Variants in TLN2 observed in about 807,000 individuals in gnomAD.
The protein encoded by TLN2 is talin-2.
TLN2 carries 118 observed loss-of-function variants against 294.7 expected under a neutral mutation model. The ratio of observed to expected loss-of-function variants is 0.40; its 90% confidence interval spans 0.34 to 0.47. The LOEUF (loss-of-function observed/expected upper bound fraction) is 0.47. TLN2 is among the 20% of genes least tolerant of loss of function. The pLI is 0.84. For missense variants in TLN2, 3,083 were observed against 3,282.2 expected (o/e 0.94, Z 1.48); for synonymous variants, 1,431 against 1,304.5 (o/e 1.10, Z -2.09).
intron 36 of TLN2, chr15:62,755,275 T>A (rs1021211364): frequency 2.4e-6 from 1 of 411,894 alleles, no homozygotes; most frequent in African/African-American, 2.0e-5. Flanking sequence ...ACATCTCCTT[T>A]AAGACTACCT....
At chr15:62,460,486 C>T (rs1391415406) in intron 1 of TLN2, among the ~76,000 whole-genome samples, 1 of 152,084 alleles carries the variant, frequency 6.6e-6, no homozygotes, top group Non-Finnish European at 1.5e-5. Flanking sequence ...TGGTCTCAAA[C>T]TCCCAACCTC....
In TLN2 at chr15:62,533,113, G is replaced by T. The variant is rs143897738; in HGVS notation, c.-237-56574G>T. ...TATGAAAAATACAAAAAATAGCCAG[G>T]TGTGGTGGTGGGCACCTGTAATTCC... On this transcript the variant is annotated intron_variant, in intron 1 of 58. Coordinates refer to ENST00000636159, the MANE Select transcript of TLN2 (RefSeq NM_015059.3). Among the ~76,000 whole-genome samples the T allele has an allele frequency of 9.9e-5, 15 of 152,012 alleles. No homozygotes were observed. The East Asian group carries it at 2.3e-3, about 24-fold the overall frequency.
At chr15:62,694,434 G>C in intron 14 of TLN2, 42 bp downstream of exon 14, 2 of 1,570,210 alleles carry the variant, frequency 1.3e-6, no homozygotes, top group Non-Finnish European at 1.8e-6. Flanking sequence ...CTTCTCCCTA[G>C]ATAGGTAGGT....
At chr15:62,804,748 T>C (rs1274308915) in intron 50 of TLN2, among the ~76,000 whole-genome samples, 1 of 152,158 alleles carries the variant, frequency 6.6e-6, no homozygotes, top group Non-Finnish European at 1.5e-5. Context: ...ATGTTTGACA[T>C]TGGTTGGCAT....
chr15:62,453,989 G>C (rs1449057718), intron 1 of TLN2, among the ~76,000 whole-genome samples: 3 of 152,138 alleles, frequency 2.0e-5, no homozygotes, highest in Admixed American at 2.0e-4. Flanking sequence ...CCAGGTGCCA[G>C]TGGCTGACCC....
intron 1 of TLN2, among the ~76,000 whole-genome samples, chr15:62,473,155 C>T (rs1431750552): frequency 1.3e-5 from 2 of 152,242 alleles, no homozygotes; most frequent in Non-Finnish European, 2.9e-5. Context: ...TGTCCCAGGG[C>T]GTAGACTTTT....
intron 1 of TLN2, among the ~76,000 whole-genome samples, chr15:62,507,149 G>A (rs1010672256): frequency 1.2e-4 from 18 of 152,208 alleles, no homozygotes; most frequent in African/African-American, 4.1e-4. Flanking sequence ...AAAGAAGGAT[G>A]AGTTTCTAAG....
At chr15:62,610,267 A>G (rs549706603) in intron 2 of TLN2, among the ~76,000 whole-genome samples, 1 of 152,384 alleles carries the variant, frequency 6.6e-6, no homozygotes, top group East Asian at 1.9e-4. Context: ...GTTATATTCT[A>G]TAAAGTATCT....
chr15:62,702,092 C>G lies in TLN2; in HGVS notation c.1797C>G (p.Ala599=). ...EMSKGVKLLA[A]LMDDEVGSGE... ...CCAAGGGTGTGAAGCTATTGGCCGC[C>G]CTCATGGATGATGAGGTGGGCAGCG... Residue 599 remains alanine, a synonymous_variant, in exon 18 of 59, where the codon GCC becomes GCG. Transcript: ENST00000636159. The G allele has an allele frequency of 1.9e-6, 3 of 1,614,220 alleles. No homozygotes were observed. Among genetic ancestry groups the G allele is most frequent in the Non-Finnish European group, 2.5e-6 (3 of 1,180,042 alleles).
chr15:62,826,910 T>C (rs1193976578), intron 54 of TLN2, among the ~76,000 whole-genome samples: 1 of 152,148 alleles, frequency 6.6e-6, no homozygotes, highest in Non-Finnish European at 1.5e-5. Flanking sequence ...TGATGCACTA[T>C]GACCTTATTT....
intron 1 of TLN2, among the ~76,000 whole-genome samples, chr15:62,570,393 T>A (rs1416819201): frequency 6.6e-6 from 1 of 152,322 alleles, no homozygotes; most frequent in Admixed American, 6.5e-5. Context: ...ATCTAGACCC[T>A]CTTGTGTTCC....
At position 62,836,023 on chromosome 15, in the gene TLN2, G is replaced by A; in HGVS notation, c.7324G>A (p.Ala2442Thr). Residue 2442 changes from alanine (A) to threonine (T), a missense_variant, in exon 57 of 59, where the codon GCC (alanine) becomes ACC (threonine). Physicochemically the swap from Ala to Thr is moderately conservative, Grantham distance 58. Coordinates refer to ENST00000636159, the MANE Select transcript of TLN2 (RefSeq NM_015059.3). ...VAASTAQLLV[A>T]CKVKADQDSE... ...CGCTTCCACGGCTCAGCTGCTGGTG[G>A]CCTGCAAGGTGAAGGCCGACCAGGA... The A allele has an allele frequency of 6.2e-7, 1 of 1,612,932 alleles. No homozygotes were observed. Among genetic ancestry groups the A allele is most frequent in the Non-Finnish European group, 8.5e-7 (1 of 1,179,496 alleles).
chr15:62,487,300 T>C (rs2038452742), intron 1 of TLN2, among the ~76,000 whole-genome samples: 1 of 152,216 alleles, frequency 6.6e-6, no homozygotes, highest in South Asian at 2.1e-4. Context: ...ATTCACCGAT[T>C]ATGAGATTCC....
chr15:62,653,466 C>A (rs1298332116), intron 7 of TLN2, 152 bp downstream of exon 7: 2 of 1,005,978 alleles, frequency 2.0e-6, no homozygotes, highest in East Asian at 2.9e-5. Context: ...TGGCTCACTT[C>A]TATAATCCCA....
At chr15:62,680,278 CTG>C (rs907759463) in intron 11 of TLN2, among the ~76,000 whole-genome samples, 4 of 152,108 alleles carry the variant, frequency 2.6e-5, no homozygotes, top group African/African-American at 9.7e-5. Context: ...CATTTTTATT[CTG>C]TTAAGTCTTT....
chr15:62,718,315 A>G (rs1393405742), intron 24 of TLN2, among the ~76,000 whole-genome samples: 2 of 152,166 alleles, frequency 1.3e-5, no homozygotes, highest in African/African-American at 4.8e-5. Context: ...TCCAGTTGCA[A>G]AGCCACTGCC....
At position 62,742,898 on chromosome 15, in the gene TLN2, C is replaced by G. The variant is rs531832672; in HGVS notation, c.4025+2129C>G. 7.2e-4 allele frequency among the ~76,000 whole-genome samples: 110 copies of G among 152,312 alleles called. 2 individuals carry two copies. The highest frequency in any genetic ancestry group is 2.5e-3 in the Admixed American group (38 of 15,296). On this transcript the variant is annotated intron_variant, in intron 32 of 58. Transcript: ENST00000636159. ...GGCAGGCTCCTCTTGGGACACAAAG[C>G]TCTGCCAGGCTGGGGTTCATTCATT...
intron 37 of TLN2, among the ~76,000 whole-genome samples, chr15:62,756,516 AAAG>A (rs2062261769): frequency 6.6e-6 from 1 of 152,176 alleles, no homozygotes; most frequent in South Asian, 2.1e-4. Context: ...CCCAGCCTTC[AAAG>A]GAGCATTGTC....
In TLN2 at chr15:62,710,720, CTTTT is replaced by C. The variant is rs71287048; in HGVS notation, c.2468-1169_2468-1166del. ...TTTCATCAGTTTTTCTGCTGATGTC[CTTTT>C]TTTTTTTTTTTTTTTTTTTTTGATG... On this transcript the variant is annotated intron_variant, in intron 21 of 58. Coordinates refer to ENST00000636159, the MANE Select transcript of TLN2 (RefSeq NM_015059.3). Among the ~76,000 whole-genome samples, 40 of 77,068 alleles carry C rather than the reference CTTTT, an allele frequency of 5.2e-4. No homozygotes were observed. The Admixed American group carries it at 6.2e-3, about 12-fold the overall frequency. The allele number at this position is 77,068 out of a possible 152,430, so 50.6% of individuals were successfully genotyped here.
Sources: gnomAD v4.1 joint callset for allele counts (sites outside exome capture counted in the v4.1 genomes callset) on GRCh38, gnomAD v4.1.1 for gene constraint, MANE v1.5 for transcripts, NCBI Gene and HGNC (gene_info 2026-07-23, HGNC 2026-07-21) for gene names.